The following TPRA1 variants were observed in gnomAD, a reference collection of about 807,000 sequenced individuals.
The protein encoded by TPRA1 is transmembrane protein adipocyte associated 1, also known as transmembrane protein adipocyte-associated 1.
TPRA1 carries 28 observed loss-of-function variants against 40.1 expected under a neutral mutation model. The observed-to-expected ratio is 0.70, with a 90% confidence interval of 0.52 to 0.96. The LOEUF (loss-of-function observed/expected upper bound fraction) is 0.96. Ranked by LOEUF, TPRA1 falls within the 40% of genes least tolerant of loss-of-function variation. TPRA1 has a pLI of 0.00. For synonymous variants in TPRA1, 219 were observed against 209.7 expected, an observed-to-expected ratio of 1.04 and a Z score of -0.38; for missense variants, 441 against 482.6, an observed-to-expected ratio of 0.91 and a Z score of 0.81.
chr3:127,590,135 G>T (rs1031390875), intron 1 of TPRA1, among the ~76,000 whole-genome samples: 1 of 152,160 alleles, frequency 6.6e-6, no homozygotes, highest in African/African-American at 2.4e-5. Flanking sequence ...GCCTCCAGCC[G>T]GGGCCGAGCC....
Position 127,580,188 on chromosome 3 carries a change from G to A in TPRA1, c.-17-25C>T, listed in dbSNP as rs778546012. On this transcript the variant is annotated intron_variant, in intron 1 of 10. Coordinates refer to ENST00000355552, the MANE Select transcript of TPRA1 (RefSeq NM_001136053.4). ...CCTGGGGGAGTGAGAGCCGCCCAGT[G>A]AGCTGTGTGGCCTGGGCCACTGTCC... 6.9e-6 allele frequency: 11 copies of A among 1,600,092 alleles called. No individual in the cohort carries two copies. In the Admixed American group the frequency reaches 8.4e-5, roughly 12 times the overall value.
Position 127,575,455 on chromosome 3 carries a change from G to T in TPRA1, c.721C>A (p.Leu241Met). ...YAGILALLNL[L>M]QGLGSVLLCF... Reference sequence around the variant, plus strand: ...AGCAGCACACTCCCCAGCCCCTGCAGTAGGTTGAGCAGTGCCAGGATGCCC... The same window carrying T: ...AGCAGCACACTCCCCAGCCCCTGCATTAGGTTGAGCAGTGCCAGGATGCCC... Residue 241 changes from leucine to methionine, a missense_variant, in exon 9 of 11, where the codon CTG becomes ATG. By Grantham distance (15) the Leu-to-Met change is conservative. Transcript: ENST00000355552. 1 of 1,603,930 alleles carries T rather than the reference G, an allele frequency of 6.2e-7. No homozygotes were observed. Among genetic ancestry groups the T allele is most frequent in the Non-Finnish European group, 8.5e-7 (1 of 1,175,410 alleles).
chr3:127,585,792 G>T (rs2073981525), intron 1 of TPRA1, among the ~76,000 whole-genome samples: 1 of 152,168 alleles, frequency 6.6e-6, no homozygotes, highest in South Asian at 2.1e-4. Context: ...AAAACCTAGT[G>T]TTCAAGCAGG....
chr3:127,585,373 G>T (rs1350490972), intron 1 of TPRA1, among the ~76,000 whole-genome samples: 1 of 152,234 alleles, frequency 6.6e-6, no homozygotes, highest in African/African-American at 2.4e-5. Flanking sequence ...GGTCCCACAT[G>T]CAACTCGACT....
rs1299502199 is a variant in TPRA1 at position 127,572,796 on chromosome 3, T to A, written c.*725A>T. ...ACCGGCTGCCCAAGACAACAGTGTG[T>A]GTCTGACAAAGGGAGAGGGGCTGGC... On this transcript the variant is annotated 3_prime_UTR_variant, in exon 11 of 11. Coordinates refer to ENST00000355552, the MANE Select transcript of TPRA1 (RefSeq NM_001136053.4). Among the ~76,000 whole-genome samples the A allele has an allele frequency of 6.6e-6, 1 of 152,196 alleles. No homozygotes were observed. Among genetic ancestry groups the A allele is most frequent in the Non-Finnish European group, 1.5e-5 (1 of 68,032 alleles).
At position 127,573,920 on chromosome 3, in the gene TPRA1, C is replaced by T. The variant is rs1190590099; in HGVS notation, c.855-132G>A. 37 of 1,204,804 alleles carry T rather than the reference C, an allele frequency of 3.1e-5. 2 individuals are homozygous for T. The highest frequency in any genetic ancestry group is 3.4e-5 in the South Asian group (2 of 58,264). The allele number at this position is 1,204,804 out of a possible 1,614,324, so 74.6% of individuals were successfully genotyped here. A position where few individuals can be genotyped will look rare whatever the true frequency, so the allele number is the denominator to read the frequency against. On this transcript the variant is annotated intron_variant, in intron 10 of 10. Coordinates refer to ENST00000355552, the MANE Select transcript of TPRA1 (RefSeq NM_001136053.4). ...TCGCCTGACACCCACTCTGAGTGGGCCTGTGAGCTGGACCCCAGAGCCCAT... is the reference window on the plus strand; with the variant it reads ...TCGCCTGACACCCACTCTGAGTGGGTCTGTGAGCTGGACCCCAGAGCCCAT...
chr3:127,583,824 C>T (rs1421250456), intron 1 of TPRA1, among the ~76,000 whole-genome samples: 1 of 152,058 alleles, frequency 6.6e-6, no homozygotes, highest in Non-Finnish European at 1.5e-5. Flanking sequence ...GCACGTGCCA[C>T]CATACCCGGC....
chr3:127,577,183 G>C, intron 3 of TPRA1, 107 bp from the exon 4 acceptor site: 1 of 1,171,062 alleles, frequency 8.5e-7, no homozygotes. Context: ...TCCTGAGGTC[G>C]GAAAGGAGGA....
chr3:127,573,608 G>C lies in TPRA1; in HGVS notation c.1035C>G (p.Ala345=). The change falls in exon 11 of 11, where the codon GCC becomes GCG. Residue 345 remains alanine, a synonymous_variant. Transcript: ENST00000355552. ...STQFDSAGGV[A]YLDDIASMPC... is the part of the protein sequence containing the mutation. Reference sequence around the variant, plus strand: ...GCATGGAAGCGATGTCATCCAGGTAGGCCACCCCGCCGGCAGAGTCGAACT... The same window carrying C: ...GCATGGAAGCGATGTCATCCAGGTACGCCACCCCGCCGGCAGAGTCGAACT... 1 of 1,613,220 alleles carries C rather than the reference G, an allele frequency of 6.2e-7. No individual in the cohort carries two copies. Among genetic ancestry groups the C allele is most frequent in the Non-Finnish European group, 8.5e-7 (1 of 1,180,002 alleles).
chr3:127,590,127 C>T (rs2074124187), intron 1 of TPRA1, among the ~76,000 whole-genome samples: 1 of 152,176 alleles, frequency 6.6e-6, no homozygotes, highest in Admixed American at 6.5e-5. Flanking sequence ...CCCGCACTGC[C>T]TCCAGCCGGG....
At chr3:127,583,863 G>T (rs2073912431) in intron 1 of TPRA1, among the ~76,000 whole-genome samples, 1 of 151,954 alleles carries the variant, frequency 6.6e-6, no homozygotes, top group African/African-American at 2.4e-5. Flanking sequence ...TAGAGACGGG[G>T]TTTCATCACG....
chr3:127,597,079 G>T (rs1226277423), intron 1 of TPRA1, among the ~76,000 whole-genome samples: 1 of 151,474 alleles, frequency 6.6e-6, no homozygotes, highest in Non-Finnish European at 1.5e-5. Context: ...TTGCACCACT[G>T]CACTCCAGCC....
In TPRA1 at chr3:127,576,677, G is replaced by A; in HGVS notation, c.438C>T (p.Ser146=). 6.2e-7 allele frequency: 1 copy of A among 1,610,836 alleles called. No homozygotes were observed. Among genetic ancestry groups the A allele is most frequent in the Non-Finnish European group, 8.5e-7 (1 of 1,178,602 alleles). ...GLAFGHLESK[S]SIKRVLAITT... The stretch of plus-strand genomic sequence containing the variant: ...TGATGGCCAGCACCCGCTTGATGCT[G>A]GACTTACTCTCCAGGTGGCCTGGAA... Residue 146 remains serine, a synonymous_variant, in exon 6 of 11, where the codon TCC becomes TCT. Coordinates refer to ENST00000355552, the MANE Select transcript of TPRA1 (RefSeq NM_001136053.4). This position sits in a 1 kb window ranked among gnomAD's most constrained non-coding sequence, Gnocchi z 4.6.
chr3:127,575,335 G>A (rs767280962), intron 9 of TPRA1, 68 bp downstream of exon 9: 2 of 1,581,326 alleles, frequency 1.3e-6, no homozygotes, highest in Non-Finnish European at 1.7e-6. Flanking sequence ...CATGCCCCCA[G>A]CGGGTGGACA....
In TPRA1 at chr3:127,572,256, C is replaced by T. The variant is rs894432325; in HGVS notation, c.*1265G>A. Among the ~76,000 whole-genome samples, 1 of 152,208 alleles carries T rather than the reference C, an allele frequency of 6.6e-6. No homozygotes were observed. Among genetic ancestry groups the T allele is most frequent in the African/African-American group, 2.4e-5 (1 of 41,452 alleles). ...AAAAAAAAAAGGCTGATCGCGGAGG[C>T]GGGCAACAGCCTGATCCTCAGGGTC... On this transcript the variant is annotated 3_prime_UTR_variant, in exon 11 of 11. Coordinates refer to ENST00000355552, the MANE Select transcript of TPRA1 (RefSeq NM_001136053.4).
chr3:127,596,820 T>C (rs2074247556), intron 1 of TPRA1, among the ~76,000 whole-genome samples: 1 of 152,066 alleles, frequency 6.6e-6, no homozygotes, highest in Admixed American at 6.6e-5. Flanking sequence ...CCAACACCTA[T>C]AGACCCCACT....
At chr3:127,582,799 G>A (rs527832432) in intron 1 of TPRA1, among the ~76,000 whole-genome samples, 1 of 151,012 alleles carries the variant, frequency 6.6e-6, no homozygotes, top group South Asian at 2.1e-4. Context: ...TTGGGAGTTT[G>A]AGGCCAGACT....
chr3:127,596,110 G>T (rs535620522), intron 1 of TPRA1, among the ~76,000 whole-genome samples: 120 of 151,034 alleles, frequency 7.9e-4, no homozygotes, highest in African/African-American at 2.8e-3. Flanking sequence ...ATAGAGTTTC[G>T]CTCTTTTTGC....
At chr3:127,575,123 T>G in intron 10 of TPRA1, 62 bp downstream of exon 10, 1 of 1,559,718 alleles carries the variant, frequency 6.4e-7, no homozygotes, top group Non-Finnish European at 8.8e-7. Flanking sequence ...CTCACACCCA[T>G]GCTGGAAGAA....
Sources: allele counts gnomAD v4.1 joint callset (sites outside exome capture counted in the v4.1 genomes callset), GRCh38; gene constraint gnomAD v4.1.1; non-coding constraint Gnocchi (gnomAD v3.1); transcripts MANE v1.5; gene names NCBI Gene and HGNC (gene_info 2026-07-23, HGNC 2026-07-21).